Variants in TRPC6 observed in about 807,000 individuals in gnomAD.
TRPC6 encodes short transient receptor potential channel 6.
In TRPC6, 55 loss-of-function variants were observed where a neutral mutation model predicts 90.7. The ratio of observed to expected loss-of-function variants is 0.61; its 90% CI spans 0.49 to 0.76. TRPC6 has a LOEUF of 0.76. Among genes scored for constraint, TRPC6 ranks in the 30% least tolerant of loss-of-function variants. The probability of loss-of-function intolerance (pLI) is 0.00; values close to 1 mark genes in which losing one functional copy is unlikely to be tolerated. For synonymous variants in TRPC6, 393 were observed against 393.0 expected (o/e 1.00, Z 0.00); for missense variants, 989 against 1,122.7 (o/e 0.88, Z 1.70).
chr11:101,572,766 C>A lies in TRPC6; in HGVS notation c.170+10568G>T, dbSNP rs142017539. Among the ~76,000 whole-genome samples, 34 of 152,178 alleles carry A rather than the reference C, an allele frequency of 2.2e-4. No homozygotes were observed. The East Asian group carries it at 6.0e-3, about 27-fold the overall frequency. ...AGCAAACTAACACAAGAACCGAAAA[C>A]CAAACACCGCATGTTCTCACTCATA... On this transcript the variant is annotated intron_variant, in intron 1 of 12. Transcript: ENST00000344327.
intron 1 of TRPC6, among the ~76,000 whole-genome samples, chr11:101,508,339 T>C (rs1860320664): frequency 6.6e-6 from 1 of 152,158 alleles, no homozygotes; most frequent in South Asian, 2.1e-4. Flanking sequence ...TAATTTCCCC[T>C]TATAAAAACT....
intron 1 of TRPC6, among the ~76,000 whole-genome samples, chr11:101,553,098 G>T (rs1421547805): frequency 6.6e-6 from 1 of 152,042 alleles, no homozygotes; most frequent in Admixed American, 6.6e-5. Context: ...AGTATTAATG[G>T]GAAGTAAGAT....
rs150706267 is a variant in TRPC6 at position 101,491,711 on chromosome 11, A to C, written c.973T>G (p.Cys325Gly). The change falls in exon 3 of 13, where the codon TGC becomes GGC. Residue 325 changes from cysteine (C) to glycine (G), a missense_variant. By Grantham distance (159) the Cys-to-Gly change is radical. Coordinates refer to ENST00000344327, the MANE Select transcript of TRPC6 (RefSeq NM_004621.6). ...KNDYKKLSMQ[C>G]KDFVVGLLDL... ...AGGAGTCCAACAACAAAGTCTTTGC[A>C]CTGCATTGACAGTTTTTTGTAGTCA... 9.3e-6 allele frequency: 15 copies of C among 1,613,860 alleles called. No homozygotes were observed. Among genetic ancestry groups the C allele is most frequent in the Non-Finnish European group, 1.3e-5 (15 of 1,179,984 alleles).
chr11:101,477,203 C>T (rs1859437571), intron 5 of TRPC6, among the ~76,000 whole-genome samples: 1 of 150,862 alleles, frequency 6.6e-6, no homozygotes, highest in Non-Finnish European at 1.5e-5. Context: ...TGCTTCTACC[C>T]AACCTTCCTG....
At chr11:101,519,247 T>C (rs1860594654) in intron 1 of TRPC6, among the ~76,000 whole-genome samples, 1 of 152,204 alleles carries the variant, frequency 6.6e-6, no homozygotes, top group Admixed American at 6.5e-5. Flanking sequence ...GATACCCCAT[T>C]TTCCATGATG....
chr11:101,478,393 G>A (rs925811162), intron 5 of TRPC6, among the ~76,000 whole-genome samples: 5 of 152,058 alleles, frequency 3.3e-5, no homozygotes, highest in African/African-American at 7.2e-5. Context: ...TCAGCCTCAC[G>A]AGGAGATGCG....
rs76481744 is a variant in TRPC6, at chr11:101,475,499, C to T, written c.1744+802G>A. The stretch of plus-strand genomic sequence containing the variant: ...ATGATTATTAACTCTAGCCACTATA[C>T]TGTATATCTCCCTTATTATAAGCTT... On this transcript the variant is annotated intron_variant, in intron 6 of 12. Transcript: ENST00000344327. Among the ~76,000 whole-genome samples, 247 of 152,198 alleles carry T rather than the reference C, an allele frequency of 1.6e-3. 6 individuals carry two copies. The East Asian group carries it at 0.043, about 26-fold the overall frequency.
At chr11:101,563,939 TTATATGTTTA>T (rs1284440566) in intron 1 of TRPC6, among the ~76,000 whole-genome samples, 1 of 152,196 alleles carries the variant, frequency 6.6e-6, no homozygotes, top group Non-Finnish European at 1.5e-5. Flanking sequence ...GAAAACAGGG[TTATATGTTTA>T]ACTGCGTGAA....
chr11:101,469,801 T>C (rs1276583833), intron 9 of TRPC6, among the ~76,000 whole-genome samples: 2 of 152,220 alleles, frequency 1.3e-5, no homozygotes, highest in African/African-American at 2.4e-5. Context: ...AAGAATATCA[T>C]AGATTGTATT....
In TRPC6 at chr11:101,453,122, T is replaced by G. The variant is rs1484063373; in HGVS notation, c.2645-16A>C. The G allele has an allele frequency of 6.3e-7, 1 of 1,591,966 alleles. No homozygotes were observed. The highest frequency in any genetic ancestry group is 1.7e-5 in the African/African-American group (1 of 59,898). ...TTCAGTTCCCCTTTGAAAGCAAGAG[T>G]GATAAGAAGTCAACTATAAATACGC... On this transcript the variant is annotated splice_polypyrimidine_tract_variant and intron_variant, in intron 12 of 12. Coordinates refer to ENST00000344327, the MANE Select transcript of TRPC6 (RefSeq NM_004621.6).
At chr11:101,577,114 C>T (rs879299042) in intron 1 of TRPC6, among the ~76,000 whole-genome samples, 2 of 152,098 alleles carry the variant, frequency 1.3e-5, no homozygotes, top group African/African-American at 2.4e-5. Flanking sequence ...GGTTTTTACA[C>T]GTGCTTTTCC....
intron 1 of TRPC6, among the ~76,000 whole-genome samples, chr11:101,545,431 C>T (rs11224840): frequency 0.25 from 37,289 of 151,926 alleles, 4,916 homozygotes; most frequent in East Asian, 0.41. Flanking sequence ...GAACCCAAAA[C>T]CAATCCCCTA....
intron 1 of TRPC6, among the ~76,000 whole-genome samples, chr11:101,525,353 G>A (rs759052562): frequency 6.6e-6 from 1 of 152,186 alleles, no homozygotes; most frequent in Non-Finnish European, 1.5e-5. Context: ...TACCAACTGT[G>A]TGGTTTTATT....
chr11:101,519,644 T>C (rs1044237904), intron 1 of TRPC6, among the ~76,000 whole-genome samples: 2 of 152,064 alleles, frequency 1.3e-5, no homozygotes, highest in Admixed American at 1.3e-4. Flanking sequence ...CCTGGGCTTC[T>C]TTCTTTCGTA....
intron 1 of TRPC6, among the ~76,000 whole-genome samples, chr11:101,555,144 T>C (rs9888232): frequency 6.6e-6 from 1 of 152,064 alleles, no homozygotes; most frequent in Admixed American, 6.6e-5. Context: ...CATCCTCTTG[T>C]GAAGTGTACA....
chr11:101,572,618 T>C (rs56269311), intron 1 of TRPC6, among the ~76,000 whole-genome samples: 57 of 152,244 alleles, frequency 3.7e-4, no homozygotes, highest in African/African-American at 1.3e-3. Flanking sequence ...CAAATGCCCA[T>C]CAATTATAGA....
At chr11:101,559,197 AC>A (rs1486217095) in intron 1 of TRPC6, among the ~76,000 whole-genome samples, 2 of 152,096 alleles carry the variant, frequency 1.3e-5, no homozygotes, top group South Asian at 2.1e-4. Flanking sequence ...TGAGCAAGAG[AC>A]CTACATAGAC....
chr11:101,472,681 C>T (rs577430512), intron 7 of TRPC6, among the ~76,000 whole-genome samples: 1 of 152,218 alleles, frequency 6.6e-6, no homozygotes, highest in South Asian at 2.1e-4. Context: ...CTGATCTATA[C>T]TTCTACTCAT....
chr11:101,467,920 A>G (rs1287228963), intron 10 of TRPC6, among the ~76,000 whole-genome samples: 2 of 152,192 alleles, frequency 1.3e-5, no homozygotes, highest in Non-Finnish European at 2.9e-5. Context: ...TAGCTCTGTT[A>G]AATACCTTAT....
Sources: allele counts gnomAD v4.1 joint callset (sites outside exome capture counted in the v4.1 genomes callset), GRCh38; gene constraint gnomAD v4.1.1; transcripts MANE v1.5; gene names NCBI Gene and HGNC (gene_info 2026-07-23, HGNC 2026-07-21).